The following SEMA5A variants were observed in gnomAD, a reference collection of about 807,000 sequenced individuals.
SEMA5A encodes the protein semaphorin 5A.
SEMA5A carries 55 observed loss-of-function variants against 135.5 expected under a neutral mutation model. The observed-to-expected ratio is 0.41, with a 90% confidence interval of 0.33 to 0.51. SEMA5A has a LOEUF of 0.51. Ranked by LOEUF, SEMA5A falls within the 20% of genes least tolerant of loss-of-function variation. SEMA5A has a pLI of 0.37. For synonymous variants in SEMA5A, 580 were observed against 546.5 expected, an observed-to-expected ratio of 1.06 and a Z score of -0.85; for missense variants, 1,290 against 1,419.9, an observed-to-expected ratio of 0.91 and a Z score of 1.47.
chr5:9,540,567 A>G (rs546039334), intron 1 of SEMA5A, among the ~76,000 whole-genome samples: 8 of 152,290 alleles, frequency 5.3e-5, no homozygotes, highest in African/African-American at 1.9e-4. Context: ...ACTGCACCCC[A>G]GCCAGGGTGA....
intron 1 of SEMA5A, among the ~76,000 whole-genome samples, chr5:9,514,703 C>T (rs1160222022): frequency 6.6e-6 from 1 of 152,168 alleles, no homozygotes; most frequent in Non-Finnish European, 1.5e-5. Flanking sequence ...TAGAACCACC[C>T]TTTTATTCCC....
At chr5:9,442,448 C>A (rs1230421360) in intron 1 of SEMA5A, among the ~76,000 whole-genome samples, 2 of 152,126 alleles carry the variant, frequency 1.3e-5, no homozygotes, top group African/African-American at 2.4e-5. Context: ...AGCTATGCAC[C>A]TTTTCCACAG....
intron 11 of SEMA5A, among the ~76,000 whole-genome samples, chr5:9,177,796 C>G (rs1440472093): frequency 6.6e-6 from 1 of 152,210 alleles, no homozygotes; most frequent in Non-Finnish European, 1.5e-5. Flanking sequence ...CCTATTAGAA[C>G]TCTAAAACTA....
chr5:9,186,411 G>A (rs1744812405), intron 11 of SEMA5A, among the ~76,000 whole-genome samples: 1 of 152,146 alleles, frequency 6.6e-6, no homozygotes, highest in South Asian at 2.1e-4. Flanking sequence ...GCCATTGGCT[G>A]GTTTCCTCCC....
intron 6 of SEMA5A, among the ~76,000 whole-genome samples, chr5:9,235,661 C>T (rs1457622571): frequency 6.6e-6 from 1 of 150,746 alleles, no homozygotes; most frequent in Non-Finnish European, 1.5e-5. Flanking sequence ...TCAGAACAGA[C>T]ACTGTGACAA....
intron 22 of SEMA5A, among the ~76,000 whole-genome samples, chr5:9,043,774 T>TATCTTAAAAGTGGCTGCTGAATCTTC (rs1406082581): frequency 2.0e-5 from 3 of 152,204 alleles, no homozygotes; most frequent in Non-Finnish European, 2.9e-5. Context: ...CATTTCTGAT[T>TATCTTAAAAGTGGCTGCTGAATCTTC]ATCTTAAAAG....
intron 12 of SEMA5A, among the ~76,000 whole-genome samples, chr5:9,147,765 T>C (rs1742422276): frequency 6.6e-6 from 1 of 151,338 alleles, no homozygotes; most frequent in Admixed American, 6.6e-5. Flanking sequence ...CCAAAGGCTT[T>C]CAATCCTTTT....
chr5:9,119,182 C>A, intron 14 of SEMA5A, 41 bp from the exon 15 acceptor site: 2 of 1,600,798 alleles, frequency 1.2e-6, no homozygotes. Flanking sequence ...GTCCCGCAGG[C>A]TCAGAGTCCA....
chr5:9,462,985 T>TAAAAAAAAAA (rs11422018), intron 1 of SEMA5A, among the ~76,000 whole-genome samples: 1 of 127,208 alleles, frequency 7.9e-6, no homozygotes, highest in African/African-American at 3.0e-5. Context: ...AAATAAAAGT[T>TAAAAAAAAAA]AAAAAAAAAA....
intron 2 of SEMA5A, among the ~76,000 whole-genome samples, chr5:9,410,213 T>C (rs1757054235): frequency 6.6e-6 from 1 of 152,194 alleles, no homozygotes; most frequent in African/African-American, 2.4e-5. Flanking sequence ...CATATGATCA[T>C]GTAGGTCTAT....
intron 2 of SEMA5A, among the ~76,000 whole-genome samples, chr5:9,392,030 C>T (rs1756183409): frequency 6.6e-6 from 1 of 152,112 alleles, no homozygotes; most frequent in South Asian, 2.1e-4. Context: ...TCTTGAAACC[C>T]ACCAAGCTCA....
At chr5:9,312,344 CAAAAAAA>C (rs11311020) in intron 5 of SEMA5A, among the ~76,000 whole-genome samples, 21 of 88,548 alleles carry the variant, frequency 2.4e-4, no homozygotes, top group East Asian at 1.3e-3. Context: ...CAGTGAGTTG[CAAAAAAA>C]AAAAAAAAAA....
chr5:9,539,781 T>C (rs1737976598), intron 1 of SEMA5A, among the ~76,000 whole-genome samples: 1 of 152,198 alleles, frequency 6.6e-6, no homozygotes, highest in Non-Finnish European at 1.5e-5. Flanking sequence ...ATTCAATCTG[T>C]ACACAGAAAT....
intron 4 of SEMA5A, among the ~76,000 whole-genome samples, chr5:9,328,508 G>A (rs995589841): frequency 6.6e-6 from 1 of 152,324 alleles, no homozygotes; most frequent in Non-Finnish European, 1.5e-5. Context: ...GCCGGGCACA[G>A]TGGCTCATGC....
chr5:9,219,831 G>A (rs1408416637), intron 8 of SEMA5A, among the ~76,000 whole-genome samples: 1 of 152,160 alleles, frequency 6.6e-6, no homozygotes, highest in Non-Finnish European at 1.5e-5. Context: ...ACATGAATGG[G>A]GTAGGCTGAG....
At chr5:9,349,303 C>A (rs1275471622) in intron 3 of SEMA5A, among the ~76,000 whole-genome samples, 3 of 152,172 alleles carry the variant, frequency 2.0e-5, no homozygotes, top group Admixed American at 6.5e-5. Flanking sequence ...TGGGGCAGCA[C>A]AATAATTCAT....
At chr5:9,186,352 T>C (rs1032192466) in intron 11 of SEMA5A, among the ~76,000 whole-genome samples, 2 of 152,188 alleles carry the variant, frequency 1.3e-5, no homozygotes, top group Admixed American at 6.5e-5. Flanking sequence ...CTAGCTCACA[T>C]GGATCTGTAG....
At chr5:9,456,521 A>C (rs1342167151) in intron 1 of SEMA5A, among the ~76,000 whole-genome samples, 3 of 152,246 alleles carry the variant, frequency 2.0e-5, no homozygotes, top group Non-Finnish European at 4.4e-5. Context: ...AGCACAATTA[A>C]GGACACCTGT....
At chr5:9,097,453 T>C (rs1476279419) in intron 16 of SEMA5A, among the ~76,000 whole-genome samples, 1 of 152,208 alleles carries the variant, frequency 6.6e-6, no homozygotes, top group African/African-American at 2.4e-5. Context: ...ATTAAGGAGA[T>C]GACAATATCT....
Sources: gnomAD v4.1 joint callset for allele counts (sites outside exome capture counted in the v4.1 genomes callset) on GRCh38, gnomAD v4.1.1 for gene constraint, MANE v1.5 for transcripts, NCBI Gene and HGNC (gene_info 2026-07-23, HGNC 2026-07-21) for gene names.